Variants in HHIP observed in about 807,000 individuals in gnomAD.
HHIP encodes the protein hedgehog interacting protein.
A neutral mutation model predicts 74.0 loss-of-function variants in HHIP; 12 were observed. That is an observed-to-expected ratio of 0.16 (90% CI 0.10 to 0.26). HHIP has a LOEUF of 0.26. Among genes scored for constraint, HHIP ranks in the 10% least tolerant of loss-of-function variants. The probability of loss-of-function intolerance (pLI) is 1.00; values close to 1 mark genes in which losing one functional copy is unlikely to be tolerated. For synonymous variants in HHIP, 309 were observed against 311.6 expected, an observed-to-expected ratio of 0.99 and a Z score of 0.09; for missense variants, 788 against 845.0, an observed-to-expected ratio of 0.93 and a Z score of 0.84.
chr4:144,692,059 A>G (rs1729688304), intron 4 of HHIP, among the ~76,000 whole-genome samples: 1 of 152,124 alleles, frequency 6.6e-6, no homozygotes, highest in Admixed American at 6.6e-5. Context: ...CACCATGATG[A>G]AGAAAAGAGC....
intron 4 of HHIP, among the ~76,000 whole-genome samples, chr4:144,694,634 A>G (rs1397647891): frequency 6.6e-6 from 1 of 151,890 alleles, no homozygotes; most frequent in Non-Finnish European, 1.5e-5. Flanking sequence ...GCTACAGTTA[A>G]GCATTTATCT....
chr4:144,662,689 GTGTGTGTGGC>G (rs138101794), intron 4 of HHIP, among the ~76,000 whole-genome samples: 3,233 of 152,258 alleles, frequency 0.021, 120 homozygotes, highest in African/African-American at 0.073. Flanking sequence ...AACTTTCATT[GTGTGTGTGGC>G]TGTGTGTGTG....
chr4:144,664,925 T>G (rs919968956), intron 4 of HHIP, among the ~76,000 whole-genome samples: 3 of 152,224 alleles, frequency 2.0e-5, no homozygotes, highest in Non-Finnish European at 4.4e-5. Flanking sequence ...AATAAACTCA[T>G]TAAAAAGTGG....
intron 4 of HHIP, among the ~76,000 whole-genome samples, chr4:144,675,455 G>C (rs754409639): frequency 2.2e-4 from 34 of 152,072 alleles, no homozygotes; most frequent in Middle Eastern, 4.2e-3. Flanking sequence ...TTTAGATTCA[G>C]TTTTGGATTA....
chr4:144,692,566 A>C (rs1729703847), intron 4 of HHIP, among the ~76,000 whole-genome samples: 1 of 152,134 alleles, frequency 6.6e-6, no homozygotes, highest in Admixed American at 6.6e-5. Flanking sequence ...GGTCTTTGCT[A>C]ACGCCCTAGT....
rs981780754 is a variant in HHIP, at chr4:144,671,760, G to A, written c.831+11922G>A. ...AGCACTTTGGGAGACTGAGGTAGGC[G>A]GATTACAAGATCAGGAGTTCGAGAC... On this transcript the variant is annotated intron_variant, in intron 4 of 12. Transcript: ENST00000296575. Among the ~76,000 whole-genome samples, 9 of 152,052 alleles carry A rather than the reference G, an allele frequency of 5.9e-5. 1 individual carries two copies. The South Asian group carries it at 1.0e-3, about 18-fold the overall frequency.
At chr4:144,701,322 T>C (rs556685383) in intron 4 of HHIP, among the ~76,000 whole-genome samples, 46 of 101,168 alleles carry the variant, frequency 4.5e-4, no homozygotes, top group Admixed American at 3.6e-3. Flanking sequence ...GCTGTTTTTT[T>C]CTTTTTTTTT....
chr4:144,663,939 G>A (rs1249929965), intron 4 of HHIP, among the ~76,000 whole-genome samples: 1 of 152,242 alleles, frequency 6.6e-6, no homozygotes, highest in African/African-American at 2.4e-5. Context: ...CTTTGCATGT[G>A]TGTTAAAGGA....
chr4:144,648,007 G>A (rs1728315513), intron 1 of HHIP, among the ~76,000 whole-genome samples: 2 of 151,796 alleles, frequency 1.3e-5, no homozygotes, highest in Admixed American at 1.3e-4. Flanking sequence ...AAAATACCCA[G>A]GCTGAATCTA....
intron 7 of HHIP, among the ~76,000 whole-genome samples, chr4:144,708,518 A>T (rs1730209711): frequency 6.6e-6 from 1 of 152,248 alleles, no homozygotes; most frequent in Non-Finnish European, 1.5e-5. Context: ...GAGAAGGCAG[A>T]TTAGACAACG....
chr4:144,678,717 T>A (rs1041764635), intron 4 of HHIP, among the ~76,000 whole-genome samples: 3 of 152,248 alleles, frequency 2.0e-5, no homozygotes, highest in African/African-American at 4.8e-5. Flanking sequence ...GCAAAGGACA[T>A]GAAATCATCG....
chr4:144,706,709 G>A (rs1220367430), intron 5 of HHIP, 27 bp downstream of exon 5: 1 of 1,559,202 alleles, frequency 6.4e-7, no homozygotes, highest in Non-Finnish European at 8.6e-7. Flanking sequence ...TCGAAGCATA[G>A]AAATTTCTCA....
chr4:144,678,009 A>G (rs962948517), intron 4 of HHIP, among the ~76,000 whole-genome samples: 3 of 152,150 alleles, frequency 2.0e-5, no homozygotes, highest in African/African-American at 7.2e-5. Flanking sequence ...TGACTTAGTA[A>G]CTTCTAAGTT....
intron 4 of HHIP, among the ~76,000 whole-genome samples, chr4:144,690,919 C>G (rs1729642082): frequency 6.6e-6 from 1 of 151,978 alleles, no homozygotes; most frequent in South Asian, 2.1e-4. Flanking sequence ...AGATTTATAT[C>G]AGGCAATTCA....
At chr4:144,678,745 T>C (rs1222497015) in intron 4 of HHIP, among the ~76,000 whole-genome samples, 1 of 152,240 alleles carries the variant, frequency 6.6e-6, no homozygotes, top group Admixed American at 6.5e-5. Context: ...GGCTACGTAG[T>C]ATTCCATGGT....
At chr4:144,717,156 T>A (rs1201040212) in intron 10 of HHIP, among the ~76,000 whole-genome samples, 1 of 152,192 alleles carries the variant, frequency 6.6e-6, no homozygotes, top group East Asian at 1.9e-4. Flanking sequence ...TTCACTGGAT[T>A]ACATTTTAAT....
At chr4:144,711,791 A>G (rs1328541002) in intron 7 of HHIP, among the ~76,000 whole-genome samples, 159 bp from the exon 8 acceptor site, 1 of 152,234 alleles carries the variant, frequency 6.6e-6, no homozygotes, top group Admixed American at 6.5e-5. Flanking sequence ...AAGCAAACAC[A>G]TCGGACTACT....
chr4:144,678,789 C>G (rs1402328153), intron 4 of HHIP, among the ~76,000 whole-genome samples: 1 of 152,156 alleles, frequency 6.6e-6, no homozygotes, highest in Non-Finnish European at 1.5e-5. Flanking sequence ...TCCAGTCTAT[C>G]ATTGGTGGGC....
intron 4 of HHIP, among the ~76,000 whole-genome samples, chr4:144,679,027 C>A (rs1729256877): frequency 6.6e-6 from 1 of 152,212 alleles, no homozygotes; most frequent in Non-Finnish European, 1.5e-5. Flanking sequence ...TTCTCCACAT[C>A]CTCTCCAGCA....
Sources: allele counts gnomAD v4.1 joint callset (sites outside exome capture counted in the v4.1 genomes callset), GRCh38; gene constraint gnomAD v4.1.1; transcripts MANE v1.5; gene names NCBI Gene and HGNC (gene_info 2026-07-23, HGNC 2026-07-21).